TOGARAM1: variants seen among roughly 807,000 people sequenced by gnomAD.
The protein encoded by TOGARAM1 is TOG array regulator of axonemal microtubules 1.
TOGARAM1 carries 100 observed loss-of-function variants against 166.6 expected under a neutral mutation model. That is an observed-to-expected ratio of 0.60 (90% CI 0.51 to 0.71). TOGARAM1 has a LOEUF of 0.71. Among genes scored for constraint, TOGARAM1 ranks in the 30% least tolerant of loss-of-function variants. The probability of loss-of-function intolerance (pLI) is 0.00; values close to 1 mark genes in which losing one functional copy is unlikely to be tolerated. For synonymous variants in TOGARAM1, 758 were observed against 763.8 expected (o/e 0.99, Z 0.13); for missense variants, 2,029 against 2,102.7 (o/e 0.96, Z 0.69).
intron 1 of TOGARAM1, among the ~76,000 whole-genome samples, chr14:44,976,719 T>A (rs1296272161): frequency 6.6e-6 from 1 of 152,212 alleles, no homozygotes; most frequent in Non-Finnish European, 1.5e-5. Context: ...ATGTGTATAG[T>A]CAATAAGACC....
At chr14:45,032,873 C>A (rs1441163176) in intron 11 of TOGARAM1, among the ~76,000 whole-genome samples, 2 of 152,090 alleles carry the variant, frequency 1.3e-5, no homozygotes, top group Non-Finnish European at 2.9e-5. Context: ...CTCATTATAC[C>A]CATCTTATAC....
chr14:45,007,030 G>C (rs927988038), intron 5 of TOGARAM1: 1 of 151,962 alleles, frequency 6.6e-6, no homozygotes, highest in Non-Finnish European at 1.5e-5. Flanking sequence ...TTCCATAGAT[G>C]CCTCCTTTTT....
intron 1 of TOGARAM1, among the ~76,000 whole-genome samples, chr14:44,967,291 T>C (rs912255999): frequency 3.3e-5 from 5 of 152,182 alleles, no homozygotes; most frequent in Non-Finnish European, 1.5e-5. Flanking sequence ...TCTCCCTTCG[T>C]TCACAATAAA....
chr14:45,024,507 T>C (rs1880712226), intron 7 of TOGARAM1, among the ~76,000 whole-genome samples: 1 of 152,210 alleles, frequency 6.6e-6, no homozygotes, highest in Admixed American at 6.5e-5. Context: ...CTCTTATAAA[T>C]GAAGTTAAAC....
chr14:45,006,621 A>G (rs962261453), intron 5 of TOGARAM1: 1 of 159,016 alleles, frequency 6.3e-6, no homozygotes, highest in African/African-American at 2.4e-5. Context: ...ATTTAAATAA[A>G]TGAAACATAG....
intron 1 of TOGARAM1, among the ~76,000 whole-genome samples, chr14:44,994,209 C>T (rs1887298433): frequency 6.6e-6 from 1 of 152,148 alleles, no homozygotes; most frequent in Admixed American, 6.5e-5. Flanking sequence ...TGGGTTCAAG[C>T]AGTTCTCCTG....
At chr14:45,026,938 G>C (rs1360335744) in intron 8 of TOGARAM1, among the ~76,000 whole-genome samples, 1 of 152,106 alleles carries the variant, frequency 6.6e-6, no homozygotes, top group Non-Finnish European at 1.5e-5. Flanking sequence ...AGCTTGGGAG[G>C]TGGAGGTTGC....
At chr14:44,969,009 T>C (rs575725691) in intron 1 of TOGARAM1, among the ~76,000 whole-genome samples, 192 of 152,316 alleles carry the variant, frequency 1.3e-3, no homozygotes, top group Non-Finnish European at 2.0e-3. Flanking sequence ...CTTGGAGTTA[T>C]ACAGTAGCTT....
At chr14:45,045,541 GTGTATATATATA>G (rs1184836560) in intron 13 of TOGARAM1, among the ~76,000 whole-genome samples, 3,615 of 50,242 alleles carry the variant, frequency 0.072, 344 homozygotes, top group South Asian at 0.16. Flanking sequence ...TGGTCTGTGT[GTGTATATATATA>G]TATATATATA....
At chr14:44,967,227 T>A (rs1885605754) in intron 1 of TOGARAM1, among the ~76,000 whole-genome samples, 1 of 152,186 alleles carries the variant, frequency 6.6e-6, no homozygotes, top group Admixed American at 6.5e-5. Flanking sequence ...ATACCTCCAA[T>A]TCAAAACTAG....
chr14:45,044,847 T>TTCTC lies in TOGARAM1; in HGVS notation c.4133_4136dup (p.Ile1380SerfsTer42). On this transcript the variant is annotated frameshift_variant, in exon 13 of 20. Coordinates refer to ENST00000361462, the MANE Select transcript of TOGARAM1 (RefSeq NM_001308120.2). LOFTEE classifies it high-confidence loss of function. Reference sequence around the variant, plus strand: ...ATGTAACTCCTGCACGTGCAGTTGTTTCTCTTATCAATGGTGGACAAAGGT... The same window carrying TTCTC: ...ATGTAACTCCTGCACGTGCAGTTGTTTCTCTCTCTTATCAATGGTGGACAAAGGT... The TTCTC allele has an allele frequency of 6.2e-7, 1 of 1,612,720 alleles. No individual in the cohort carries two copies. Among genetic ancestry groups the TTCTC allele is most frequent in the Non-Finnish European group, 8.5e-7 (1 of 1,179,350 alleles).
intron 3 of TOGARAM1, 73 bp downstream of exon 3, chr14:44,999,570 T>G (rs1221913754): frequency 1.5e-6 from 2 of 1,303,434 alleles, no homozygotes; most frequent in African/African-American, 1.5e-5. Context: ...CTAACTTATA[T>G]GATATTTTGT....
intron 1 of TOGARAM1, among the ~76,000 whole-genome samples, chr14:44,993,959 C>A (rs1457578560): frequency 1.3e-5 from 2 of 152,172 alleles, no homozygotes; most frequent in Non-Finnish European, 2.9e-5. Context: ...TGTATTAATA[C>A]ATCATCTTTT....
At chr14:44,980,880 A>C (rs1886493989) in intron 1 of TOGARAM1, among the ~76,000 whole-genome samples, 1 of 152,162 alleles carries the variant, frequency 6.6e-6, no homozygotes. Context: ...AATTAATCAC[A>C]AAAGCAGCAA....
chr14:45,058,402 C>A (rs1882745617), intron 16 of TOGARAM1, among the ~76,000 whole-genome samples: 2 of 151,690 alleles, frequency 1.3e-5, no homozygotes, highest in South Asian at 4.2e-4. Flanking sequence ...TCAAGGGATT[C>A]TCCTGCCTCA....
intron 10 of TOGARAM1, 36 bp downstream of exon 10, chr14:45,028,365 T>C: frequency 1.3e-6 from 2 of 1,558,150 alleles, no homozygotes; most frequent in Non-Finnish European, 8.7e-7. Context: ...TTTTTTTTTC[T>C]AGTAATTGTC....
rs769225994 is a variant in TOGARAM1, at chr14:44,962,981, C to T, written c.560C>T (p.Ser187Leu). The change falls in exon 1 of 20, where the codon TCG (serine) becomes TTG (leucine). Residue 187 changes from serine (S) to leucine (L), a missense_variant. By Grantham distance (145) the Ser-to-Leu change is moderately radical. Around this residue, in one of 2 missense-constraint regions of TOGARAM1, gnomAD observed 1,453 missense variants for 1,432.2 expected, o/e 1.01. Transcript: ENST00000361462. ...SLALLPQLVV[S>L]LREENPALRK... ...GCACTTTTGCCTCAACTAGTTGTCT[C>T]GTTACGGGAAGAGAATCCAGCCCTG... is the stretch of plus-strand genomic sequence containing the variant. 22 of 1,614,016 alleles carry T rather than the reference C, an allele frequency of 1.4e-5. No homozygotes were observed. The African/African-American group carries it at 2.7e-4, about 20-fold the overall frequency.
At chr14:45,008,240 T>C (rs1300883580) in intron 5 of TOGARAM1, 1 of 134,950 alleles carries the variant, frequency 7.4e-6, no homozygotes, top group Admixed American at 7.4e-5. Context: ...CTGGATTTCC[T>C]TTTTTTTTTT....
At chr14:45,012,166 T>C (rs1373609445) in intron 7 of TOGARAM1, 91 bp downstream of exon 7, 1 of 811,774 alleles carries the variant, frequency 1.2e-6, no homozygotes, top group Admixed American at 2.9e-5. Flanking sequence ...GATTTCATGT[T>C]GTTGTGCATA....
Sources: gnomAD v4.1 joint callset for allele counts (sites outside exome capture counted in the v4.1 genomes callset) on GRCh38, gnomAD v4.1.1 for gene constraint, gnomAD v4.1.1 regional missense constraint, MANE v1.5 for transcripts, NCBI Gene and HGNC (gene_info 2026-07-23, HGNC 2026-07-21) for gene names.